ZAP70: variants seen among roughly 807,000 people sequenced by gnomAD.
ZAP70 encodes the protein tyrosine-protein kinase ZAP-70.
ZAP70 carries 27 observed loss-of-function variants against 65.8 expected under a neutral mutation model. The ratio of observed to expected loss-of-function variants is 0.41; its 90% CI spans 0.30 to 0.57. The LOEUF is 0.57. ZAP70 is among the 20% of genes least tolerant of loss of function. The probability of loss-of-function intolerance (pLI) is 0.28; values close to 1 mark genes in which losing one functional copy is unlikely to be tolerated. For synonymous variants in ZAP70, 363 were observed against 360.8 expected (o/e 1.01, Z -0.07); for missense variants, 696 against 870.5 (o/e 0.80, Z 2.52).
chr2:97,721,293 C>T (rs1677143537), intron 2 of ZAP70, among the ~76,000 whole-genome samples: 1 of 152,228 alleles, frequency 6.6e-6, no homozygotes, highest in African/African-American at 2.4e-5. Flanking sequence ...CTAAAACCAA[C>T]ATGGCACTTT....
At chr2:97,725,766 GAGA>G (rs900979239) in intron 4 of ZAP70, among the ~76,000 whole-genome samples, 4 of 152,212 alleles carry the variant, frequency 2.6e-5, no homozygotes, top group Non-Finnish European at 5.9e-5. Context: ...AGGCCTTCCT[GAGA>G]AGGTGACTTC....
rs1233378293 is a variant in ZAP70, at chr2:97,734,616, A to G, written c.986A>G (p.Lys329Arg). The change falls in exon 9 of 14, where the codon AAG becomes AGG. Residue 329 changes from lysine to arginine, a missense_variant. Coordinates refer to ENST00000264972, the MANE Select transcript of ZAP70 (RefSeq NM_001079.4). The part of the protein sequence containing the change: ...YSDPEELKDK[K>R]LFLKRDNLLI... ...GACCCAGAGGAGCTCAAGGACAAGA[A>G]GCTCTTCCTGAAGCGCGATAACCTC... The G allele has an allele frequency of 1.2e-6, 2 of 1,614,224 alleles. No homozygotes were observed. Among genetic ancestry groups the G allele is most frequent in the Non-Finnish European group, 8.5e-7 (1 of 1,180,030 alleles).
chr2:97,737,598 G>A lies in ZAP70; in HGVS notation c.1415G>A (p.Arg472Gln), dbSNP rs758807149. ...GCCCGCAACGTCCTGCTGGTTAACC[G>A]GCACTACGCCAAGATCAGCGACTTT... ...LAARNVLLVN[R>Q]HYAKISDFGL... Residue 472 changes from arginine (R) to glutamine (Q), a missense_variant, in exon 11 of 14, where the codon CGG (arginine) becomes CAG (glutamine). Arg to Gln is a conservative substitution (Grantham distance 43). This residue lies in a region of ZAP70 where 67 missense variants were observed against 151.9 expected (regional missense o/e 0.44). Transcript: ENST00000264972. This position sits in a 1 kb window ranked among gnomAD's most constrained non-coding sequence, Gnocchi z 5.0. 40 of 1,613,962 alleles carry A rather than the reference G, an allele frequency of 2.5e-5. 1 individual carries two copies. In the Middle Eastern group the frequency reaches 4.9e-4, roughly 20 times the overall value.
Position 97,724,320 on chromosome 2 carries a change from C to A in ZAP70, c.284C>A (p.Pro95His), listed in dbSNP as rs765316566. ...TACTCGCGCGACCCCGACGGGCTGC[C>A]CTGCAACCTGCGCAAGCCGTGCAAC... is the stretch of plus-strand genomic sequence containing the variant. ...EFYSRDPDGL[P>H]CNLRKPCNRP... The change falls in exon 3 of 14, where the codon CCC (proline) becomes CAC (histidine). Residue 95 changes from proline (P) to histidine (H), a missense_variant. Coordinates refer to ENST00000264972, the MANE Select transcript of ZAP70 (RefSeq NM_001079.4). 4 of 1,582,734 alleles carry A rather than the reference C, an allele frequency of 2.5e-6. No individual in the cohort carries two copies. Among genetic ancestry groups the A allele is most frequent in the Non-Finnish European group, 3.4e-6 (4 of 1,165,284 alleles).
intron 2 of ZAP70, among the ~76,000 whole-genome samples, chr2:97,719,671 G>C (rs575271515): frequency 6.6e-6 from 1 of 151,986 alleles, no homozygotes; most frequent in Non-Finnish European, 1.5e-5. Context: ...AGTGTCCATT[G>C]TGTCTGTATC....
downstream of ZAP70, among the ~76,000 whole-genome samples, chr2:97,743,364 T>C (rs1006303516): frequency 2.0e-5 from 3 of 152,234 alleles, no homozygotes; most frequent in Non-Finnish European, 4.4e-5. Context: ...AGATAAAGTT[T>C]TGCTCTTGTT....
downstream of ZAP70, among the ~76,000 whole-genome samples, chr2:97,742,017 G>A (rs944464818): frequency 3.9e-5 from 6 of 152,206 alleles, no homozygotes; most frequent in South Asian, 2.1e-4. Context: ...GTTGGGGACC[G>A]TAAAGAAAGT....
At position 97,738,093 on chromosome 2, in the gene ZAP70, C is replaced by T. The variant is rs199831214; in HGVS notation, c.1722C>T (p.Asp574=). 2.3e-4 allele frequency: 369 copies of T among 1,602,324 alleles called. No individual in the cohort carries two copies. The highest frequency in any genetic ancestry group is 3.0e-4 in the Non-Finnish European group (358 of 1,174,258). ...CCGAACTGTACGCACTCATGAGTGA[C>T]TGCTGGATCTACAAGTGAGTGCCAG... is the stretch of plus-strand genomic sequence containing the variant. ...CPPELYALMS[D]CWIYKWEDRP... The change falls in exon 13 of 14, where the codon GAC becomes GAT. Residue 574 remains aspartate, a synonymous_variant. Transcript: ENST00000264972.
At chr2:97,724,470 A>C (rs1247264452) in intron 3 of ZAP70, 32 bp downstream of exon 3, 7 of 1,517,316 alleles carry the variant, frequency 4.6e-6, no homozygotes, top group Non-Finnish European at 6.2e-6. Context: ...CGGGGTCTGG[A>C]GGGGCGTGGC....
Position 97,737,717 on chromosome 2 carries a change from G to A in ZAP70, c.1483-40G>A, listed in dbSNP as rs1677959696. The A allele has an allele frequency of 6.2e-7, 1 of 1,613,946 alleles. No individual in the cohort carries two copies. Among genetic ancestry groups the A allele is most frequent in the African/African-American group, 1.3e-5 (1 of 74,902 alleles). ...ACTGGATGGGCTGGGTGGGTAGAGGGTCCCTGACCCCTGATCCAGCAGCAT... is the reference window on the plus strand; with the variant it reads ...ACTGGATGGGCTGGGTGGGTAGAGGATCCCTGACCCCTGATCCAGCAGCAT... On this transcript the variant is annotated intron_variant, in intron 11 of 13. Transcript: ENST00000264972. The surrounding 1 kb of genome is among the most constrained non-coding windows in gnomAD (Gnocchi z 5.0).
At chr2:97,755,374 C>T in the ZAP70 span, among the ~76,000 whole-genome samples, 19 of 152,314 alleles carry the variant, frequency 1.2e-4, no homozygotes, top group African/African-American at 4.6e-4. Context: ...TGCACCAAGG[C>T]TCCGTTTCCA....
chr2:97,740,839 C>T (rs568006794), downstream of ZAP70, among the ~76,000 whole-genome samples: 3 of 152,300 alleles, frequency 2.0e-5, 1 homozygote, highest in East Asian at 5.8e-4. Context: ...GGTGATCAGA[C>T]CCAACACCAG....
chr2:97,724,627 G>A (rs1677304725), intron 3 of ZAP70, 189 bp downstream of exon 3: 2 of 1,533,252 alleles, frequency 1.3e-6, no homozygotes, highest in East Asian at 2.5e-5. Context: ...CTCCGTGGTG[G>A]CGGTCGCCTT....
At chr2:97,727,132 G>T (rs1012823136) in intron 4 of ZAP70, among the ~76,000 whole-genome samples, 2 of 152,264 alleles carry the variant, frequency 1.3e-5, no homozygotes, top group African/African-American at 4.8e-5. Context: ...AGTCAGAGAG[G>T]ACAGGGCAAG....
the ZAP70 span, among the ~76,000 whole-genome samples, chr2:97,747,255 C>T: frequency 2.0e-5 from 3 of 152,298 alleles, no homozygotes; most frequent in Admixed American, 6.5e-5. Flanking sequence ...AAAACTGGTA[C>T]ATGAATGCAT....
At chr2:97,739,339 G>A (rs201203767) in intron 13 of ZAP70, 36 bp from the exon 14 acceptor site, 37 of 1,611,280 alleles carry the variant, frequency 2.3e-5, no homozygotes, top group African/African-American at 6.7e-5. Flanking sequence ...TCCTGGGGGC[G>A]TGGTCAGCAG....
At chr2:97,733,434 A>G in intron 7 of ZAP70, 91 bp downstream of exon 7, 1 of 1,600,094 alleles carries the variant, frequency 6.2e-7, no homozygotes, top group Non-Finnish European at 8.5e-7. Context: ...GTGCCTGTGG[A>G]GCGGAAGAAG....
At position 97,732,871 on chromosome 2, in the gene ZAP70, T is replaced by G. The variant is rs1677667552; in HGVS notation, c.564-12T>G. On this transcript the variant is annotated splice_polypyrimidine_tract_variant and intron_variant, in intron 4 of 13. Transcript: ENST00000264972. ...GGCTCTAGGGGTTACATCCCCTCCC[T>G]TCCCCTGCCAGGCTGAGGCCGCGGA... is the stretch of plus-strand genomic sequence containing the variant. 1 of 1,613,650 alleles carries G rather than the reference T, an allele frequency of 6.2e-7. No homozygotes were observed. Among genetic ancestry groups the G allele is most frequent in the South Asian group, 1.1e-5 (1 of 91,084 alleles).
Position 97,735,353 on chromosome 2 carries a change from C to T in ZAP70, c.1186C>T (p.Pro396Ser). 1 of 1,614,154 alleles carries T rather than the reference C, an allele frequency of 6.2e-7. No individual in the cohort carries two copies. Among genetic ancestry groups the T allele is most frequent in the Non-Finnish European group, 8.5e-7 (1 of 1,179,986 alleles). ...EAQIMHQLDNPYIVRLIGVCQ... is the reference protein window; with the variant it reads ...EAQIMHQLDNSYIVRLIGVCQ... ...GCAGATCATGCACCAGCTGGACAAC[C>T]CCTACATCGTGCGGCTCATTGGCGT... The change falls in exon 10 of 14, where the codon CCC becomes TCC. Residue 396 changes from proline (P) to serine (S), a missense_variant. Physicochemically the swap from Pro to Ser is moderately conservative, Grantham distance 74 (BLOSUM62 -1). Coordinates refer to ENST00000264972, the MANE Select transcript of ZAP70 (RefSeq NM_001079.4).
Sources: gnomAD v4.1 joint callset for allele counts (sites outside exome capture counted in the v4.1 genomes callset) on GRCh38, gnomAD v4.1.1 for gene constraint, gnomAD v4.1.1 regional missense constraint, Gnocchi (gnomAD v3.1) non-coding constraint, MANE v1.5 for transcripts, NCBI Gene and HGNC (gene_info 2026-07-23, HGNC 2026-07-21) for gene names.